Variants in CDH15 observed in about 807,000 individuals in gnomAD.
The protein encoded by CDH15 is cadherin-15.
CDH15 carries 73 observed loss-of-function variants against 69.4 expected under a neutral mutation model. The ratio of observed to expected loss-of-function variants is 1.05; its 90% confidence interval spans 0.87 to 1.28. The LOEUF (loss-of-function observed/expected upper bound fraction) is 1.28, where lower values mean the gene tolerates loss of function less well. Ranked by LOEUF, CDH15 falls within the 50% of genes most tolerant of loss-of-function variation. The pLI, the probability that CDH15 is intolerant of heterozygous loss-of-function variation, is 0.00. For missense variants in CDH15, 1,343 were observed against 1,133.6 expected (o/e 1.18, Z -2.65); for synonymous variants, 624 against 507.7 (o/e 1.23, Z -3.08).
intron 7 of CDH15, among the ~76,000 whole-genome samples, chr16:89,189,179 GCCGGC>G: frequency 9.7e-6 from 1 of 102,630 alleles, no homozygotes; most frequent in East Asian, 2.5e-4. Context: ...ACACACAGAT[GCCGGC>G]ACACACAGAT....
At chr16:89,194,402 C>T (rs1915743176) in intron 13 of CDH15, among the ~76,000 whole-genome samples, 1 of 152,224 alleles carries the variant, frequency 6.6e-6, no homozygotes, top group Non-Finnish European at 1.5e-5. Context: ...GAGAAAGCCC[C>T]CAGCCAAGGT....
At chr16:89,193,355 A>ACCAGCCTTG in intron 11 of CDH15, 115 bp from the exon 12 acceptor site, 1 of 241,348 alleles carries the variant, frequency 4.1e-6, no homozygotes, top group Non-Finnish European at 7.0e-6. Flanking sequence ...CCTCAACCCC[A>ACCAGCCTTG]CCCCTGCTTA....
At chr16:89,181,519 T>C (rs1388527192) in intron 3 of CDH15, among the ~76,000 whole-genome samples, 1 of 152,150 alleles carries the variant, frequency 6.6e-6, no homozygotes, top group East Asian at 1.9e-4. Context: ...GCTGCGTGCC[T>C]GTGGTCCCAG....
intron 1 of CDH15, among the ~76,000 whole-genome samples, chr16:89,177,364 T>C (rs1915279541): frequency 6.6e-6 from 1 of 152,138 alleles, no homozygotes; most frequent in Non-Finnish European, 1.5e-5. Context: ...TCCTCACTTT[T>C]GCCAGGCACA....
intron 13 of CDH15, among the ~76,000 whole-genome samples, chr16:89,194,637 G>A (rs538079479): frequency 5.3e-5 from 8 of 152,264 alleles, no homozygotes; most frequent in African/African-American, 7.2e-5. Context: ...CGGGCTGGCC[G>A]CTGGCCTAAT....
At position 89,180,071 on chromosome 16, in the gene CDH15, A is replaced by G. The variant is rs1395806468; in HGVS notation, c.202-129A>G. 3.0e-6 allele frequency: 3 copies of G among 1,009,598 alleles called. No homozygotes were observed. The East Asian group carries it at 7.9e-5, about 26-fold the overall frequency. The allele number at this position is 1,009,598 out of a possible 1,614,324, so 62.5% of individuals were successfully genotyped here. A position where few individuals can be genotyped will look rare whatever the true frequency, so the allele number is the denominator to read the frequency against. On this transcript the variant is annotated intron_variant, in intron 2 of 13. Transcript: ENST00000289746. ...GCACAGCTCCTCATTGGGTACCAGG[A>G]TCCGTCCTCCAGTCCTAGGAGACTT...
chr16:89,176,977 C>A (rs934184041), intron 1 of CDH15, among the ~76,000 whole-genome samples: 2 of 152,158 alleles, frequency 1.3e-5, no homozygotes, highest in East Asian at 3.9e-4. Context: ...GGGTCTCTGT[C>A]CCCTCCCAGC....
rs994500514 is a variant in CDH15, at chr16:89,192,410, G to C, written c.1821G>C (p.Leu607=). The C allele has an allele frequency of 1.9e-6, 3 of 1,545,234 alleles. No homozygotes were observed. The highest frequency in any genetic ancestry group is 2.6e-6 in the Non-Finnish European group (3 of 1,152,372). ...GCACAGGCCTCAGCCTGGGCGCACT[G>C]GTCATCGTGCTGGCCAGCGCCCTCC... is the stretch of plus-strand genomic sequence containing the variant. ...AGGTGLSLGA[L]VIVLASALLL... Residue 607 remains leucine (L), a synonymous_variant, in exon 11 of 14, where the codon CTG becomes CTC. Coordinates refer to ENST00000289746, the MANE Select transcript of CDH15 (RefSeq NM_004933.3).
At chr16:89,192,027 C>A (rs1015045120) in intron 10 of CDH15, 133 bp downstream of exon 10, 2 of 1,140,636 alleles carry the variant, frequency 1.8e-6, no homozygotes, top group Non-Finnish European at 2.5e-6. Flanking sequence ...TCCCGCCACC[C>A]CCCCCACCAC....
chr16:89,181,477 T>C (rs1186339902), intron 3 of CDH15, among the ~76,000 whole-genome samples: 1 of 151,862 alleles, frequency 6.6e-6, no homozygotes, highest in Non-Finnish European at 1.5e-5. Flanking sequence ...ACAAAAAAGA[T>C]AAAATGGTAA....
At chr16:89,175,463 G>A (rs1422996584) in intron 1 of CDH15, among the ~76,000 whole-genome samples, 1 of 152,244 alleles carries the variant, frequency 6.6e-6, no homozygotes, top group Admixed American at 6.5e-5. Flanking sequence ...GGCTCTGTCT[G>A]TGTGGCTTTG....
At position 89,188,157 on chromosome 16, in the gene CDH15, G is replaced by C; in HGVS notation, c.850G>C (p.Glu284Gln). ...SGVDVGRLEV[E>Q]DRDLPGSPNW... The stretch of plus-strand genomic sequence containing the variant: ...AGTGGATGTGGGACGCCTGGAAGTG[G>C]AGGACAGGGACCTGCCAGGCTCCCC... The change falls in exon 7 of 14, where the codon GAG becomes CAG. Residue 284 changes from glutamate to glutamine, a missense_variant. Physicochemically the swap from Glu to Gln is conservative, Grantham distance 29. Transcript: ENST00000289746. 1 of 1,613,424 alleles carries C rather than the reference G, an allele frequency of 6.2e-7. No individual in the cohort carries two copies. Among genetic ancestry groups the C allele is most frequent in the Non-Finnish European group, 8.5e-7 (1 of 1,179,878 alleles).
chr16:89,181,011 C>T (rs1915367379), intron 3 of CDH15, among the ~76,000 whole-genome samples: 1 of 133,066 alleles, frequency 7.5e-6, no homozygotes, highest in African/African-American at 2.9e-5. Flanking sequence ...ACTCTACCGC[C>T]CAGGCTGGAG....
At position 89,181,636 on chromosome 16, in the gene CDH15, C is replaced by CA. The variant is rs1367046354; in HGVS notation, c.357+1291dup. Among the ~76,000 whole-genome samples, 593 of 143,646 alleles carry CA rather than the reference C, an allele frequency of 4.1e-3. 3 individuals carry two copies. Among genetic ancestry groups the CA allele is most frequent in the African/African-American group, 0.012 (475 of 39,060 alleles). The allele number at this position is 143,646 out of a possible 152,430, so 94.2% of individuals were successfully genotyped here. Reference sequence around the variant, plus strand: ...TAGGTGACAGAGGAAGACCCTCTCTCAAAAAAAAAAGAAGAAAAGAGGACC... The same window carrying CA: ...TAGGTGACAGAGGAAGACCCTCTCTCAAAAAAAAAAAGAAGAAAAGAGGACC... On this transcript the variant is annotated intron_variant, in intron 3 of 13. Transcript: ENST00000289746.
intron 13 of CDH15, among the ~76,000 whole-genome samples, chr16:89,194,423 G>A (rs901419776): frequency 5.3e-5 from 8 of 152,214 alleles, no homozygotes; most frequent in Admixed American, 1.3e-4. Flanking sequence ...GTACACCCCC[G>A]GTTAGGAGCG....
chr16:89,185,298 G>A lies in CDH15; in HGVS notation c.628G>A (p.Glu210Lys). 6.2e-7 allele frequency: 1 copy of A among 1,606,264 alleles called. No individual in the cohort carries two copies. Among genetic ancestry groups the A allele is most frequent in the Non-Finnish European group, 8.5e-7 (1 of 1,176,740 alleles). ...ELFSIDELTG[E>K]IRTVQVGLDR... ...CTTCAGCATCGACGAGCTCACAGGA[G>A]AGATCCGCACAGTGCAAGTGGGGCT... is the stretch of plus-strand genomic sequence containing the variant. Residue 210 changes from glutamate (E) to lysine (K), a missense_variant, in exon 5 of 14, where the codon GAG (glutamate) becomes AAG (lysine). Transcript: ENST00000289746.
At chr16:89,173,335 C>T (rs949542615) in intron 1 of CDH15, among the ~76,000 whole-genome samples, 2 of 152,186 alleles carry the variant, frequency 1.3e-5, no homozygotes, top group Admixed American at 1.3e-4. Flanking sequence ...CTCCAGACCT[C>T]TTCCTTTGGA....
At chr16:89,183,326 G>A in intron 3 of CDH15, 1 of 561,540 alleles carries the variant, frequency 1.8e-6, no homozygotes, top group Non-Finnish European at 3.2e-6. Flanking sequence ...GGCAAGCAGG[G>A]AAAGTGGCAC....
intron 7 of CDH15, among the ~76,000 whole-genome samples, chr16:89,189,973 G>A (rs537505997): frequency 3.1e-4 from 47 of 152,346 alleles, no homozygotes; most frequent in Admixed American, 1.2e-3. Context: ...AGGGGCTGGC[G>A]CCATCCCCCA....
Sources: allele counts gnomAD v4.1 joint callset (sites outside exome capture counted in the v4.1 genomes callset), GRCh38; gene constraint gnomAD v4.1.1; transcripts MANE v1.5; gene names NCBI Gene and HGNC (gene_info 2026-07-23, HGNC 2026-07-21).